ANO3: variants seen among roughly 807,000 people sequenced by gnomAD.
ANO3 encodes the protein anoctamin 3, also known as anoctamin-3.
Under a neutral mutation model 144.8 loss-of-function variants are expected in ANO3, and 99 were observed. The observed-to-expected ratio is 0.68, with a 90% CI of 0.58 to 0.81. ANO3 has a LOEUF of 0.81. Among genes scored for constraint, ANO3 ranks in the 30% least tolerant of loss-of-function variants. The pLI, the probability that ANO3 is intolerant of heterozygous loss-of-function variation, is 0.00. For missense variants in ANO3, 905 were observed against 1,202.2 expected (o/e 0.75, Z 3.66); for synonymous variants, 414 against 392.6 (o/e 1.05, Z -0.64).
chr11:26,199,047 A>G (rs576982766), intron 1 of ANO3, among the ~76,000 whole-genome samples: 44 of 152,230 alleles, frequency 2.9e-4, no homozygotes, highest in Non-Finnish European at 5.3e-4. Flanking sequence ...CCTAATTAAT[A>G]GCATTGGCCA....
intron 14 of ANO3, chr11:26,567,182 C>T: frequency 1.6e-6 from 2 of 1,237,756 alleles, no homozygotes; most frequent in Non-Finnish European, 2.1e-6. Context: ...AGTCAACTGA[C>T]TCCAATCTCA....
intron 1 of ANO3, among the ~76,000 whole-genome samples, chr11:26,367,989 C>G (rs1856141059): frequency 6.6e-6 from 1 of 152,160 alleles, no homozygotes; most frequent in Admixed American, 6.5e-5. Context: ...AAATCTCCTC[C>G]CACTAGGTCC....
chr11:26,344,645 G>A (rs1353789809), intron 1 of ANO3, among the ~76,000 whole-genome samples: 16 of 152,064 alleles, frequency 1.1e-4, no homozygotes, highest in African/African-American at 3.6e-4. Context: ...GATTACAGAC[G>A]TGAGCCACCC....
At chr11:26,344,365 T>C (rs994777586) in intron 1 of ANO3, among the ~76,000 whole-genome samples, 1 of 96,346 alleles carries the variant, frequency 1.0e-5, no homozygotes, top group Non-Finnish European at 1.9e-5. Flanking sequence ...AGAAAAATAT[T>C]GTCTTTTTTT....
At chr11:26,355,323 C>G (rs1284716640) in intron 1 of ANO3, among the ~76,000 whole-genome samples, 2 of 152,012 alleles carry the variant, frequency 1.3e-5, no homozygotes. Flanking sequence ...ATAAAGAATT[C>G]TAAGATGGAT....
At chr11:26,513,978 T>G (rs1861764928) in intron 5 of ANO3, among the ~76,000 whole-genome samples, 2 of 152,024 alleles carry the variant, frequency 1.3e-5, no homozygotes, top group African/African-American at 2.4e-5. Context: ...GAATAAGAAC[T>G]CATATCTCCC....
intron 17 of ANO3, among the ~76,000 whole-genome samples, chr11:26,604,375 G>C (rs1851880766): frequency 1.3e-5 from 2 of 152,056 alleles, no homozygotes; most frequent in Non-Finnish European, 2.9e-5. Flanking sequence ...TTTTTGTTTA[G>C]GATTGTCTTG....
At chr11:26,447,943 C>T (rs1049394397) in intron 3 of ANO3, among the ~76,000 whole-genome samples, 2 of 152,170 alleles carry the variant, frequency 1.3e-5, no homozygotes, top group Non-Finnish European at 2.9e-5. Context: ...TCCACGTTAA[C>T]AAGTGCCTGA....
intron 1 of ANO3, among the ~76,000 whole-genome samples, chr11:26,302,808 A>G (rs1345012757): frequency 1.3e-5 from 2 of 152,210 alleles, no homozygotes; most frequent in East Asian, 3.9e-4. Flanking sequence ...TCACGCAAAA[A>G]CTATTAGCAC....
intron 1 of ANO3, among the ~76,000 whole-genome samples, chr11:26,430,819 A>G (rs144973548): frequency 1.3e-5 from 2 of 152,320 alleles, no homozygotes; most frequent in Non-Finnish European, 2.9e-5. Flanking sequence ...ATGGGGAAAT[A>G]CTTTTTGTCC....
intron 14 of ANO3, chr11:26,567,278 T>A: frequency 2.1e-6 from 1 of 483,670 alleles, no homozygotes; most frequent in Non-Finnish European, 3.5e-6. Flanking sequence ...AAAATCTGAG[T>A]ACTGATTTCA....
intron 1 of ANO3, 123 bp downstream of exon 1, chr11:26,332,444 T>TAAAAAAAA: frequency 1.6e-6 from 1 of 614,824 alleles, no homozygotes; most frequent in Non-Finnish European, 2.7e-6. Flanking sequence ...TCTGTGAAGT[T>TAAAAAAAA]AAAAAAAAAA....
intron 5 of ANO3, among the ~76,000 whole-genome samples, chr11:26,510,149 A>AGG (rs1282747148): frequency 6.9e-6 from 1 of 145,546 alleles, no homozygotes; most frequent in Admixed American, 7.0e-5. Context: ...AAAAAAAAAA[A>AGG]AAAAGAGTAG....
intron 1 of ANO3, among the ~76,000 whole-genome samples, chr11:26,197,338 A>ATTTTTG (rs200915667): frequency 0.023 from 3,420 of 151,844 alleles, 155 homozygotes; most frequent in African/African-American, 0.079. Context: ...GTAGTTTAAT[A>ATTTTTG]TTTTTGTTTT....
In ANO3 at chr11:26,194,643, G is replaced by C. The variant is rs573476387; in HGVS notation, c.154+5313G>C. On this transcript the variant is annotated intron_variant, in intron 1 of 27. Transcript: ENST00000672621. ...AGCCTCCCGAGTAGCTGGGATTATA[G>C]CCATGGGCCACTACGCTGGGCTAAT... Among the ~76,000 whole-genome samples, 4 of 152,078 alleles carry C rather than the reference G, an allele frequency of 2.6e-5. No individual in the cohort carries two copies. In the South Asian group the frequency reaches 6.2e-4, roughly 24 times the overall value.
chr11:26,565,879 G>GT (rs763099571), intron 14 of ANO3: 266 of 1,565,256 alleles, frequency 1.7e-4, no homozygotes, highest in Middle Eastern at 5.2e-4. Flanking sequence ...TTTGGTATTG[G>GT]TTTTTTTTTA....
intron 3 of ANO3, among the ~76,000 whole-genome samples, chr11:26,444,727 C>G (rs1283287553): frequency 6.6e-6 from 1 of 152,130 alleles, no homozygotes; most frequent in Admixed American, 6.6e-5. Context: ...TGGTTTTTCT[C>G]TACAGGCATT....
chr11:26,553,415 C>T, intron 13 of ANO3, 70 bp downstream of exon 13: 1 of 1,044,374 alleles, frequency 9.6e-7, no homozygotes, highest in Non-Finnish European at 1.4e-6. Context: ...GTCCTCTAGT[C>T]AATAGCTTTT....
chr11:26,567,275 G>A lies in ANO3; in HGVS notation c.1447+7496G>A, dbSNP rs1850627376. On this transcript the variant is annotated intron_variant, in intron 14 of 26. Coordinates refer to ENST00000256737, the MANE Select transcript of ANO3 (RefSeq NM_031418.4). ...TTTTTTTCCTCAAGCAATAAAATCT[G>A]AGTACTGATTTCATGTTTTTGAATT... 8 of 488,756 alleles carry A rather than the reference G, an allele frequency of 1.6e-5. No individual in the cohort carries two copies. In the East Asian group the frequency reaches 2.7e-4, roughly 17 times the overall value. 30.3% of individuals were successfully genotyped at this position (488,756 alleles called of 1,614,324 possible).
Sources: allele counts gnomAD v4.1 joint callset (sites outside exome capture counted in the v4.1 genomes callset), GRCh38; gene constraint gnomAD v4.1.1; transcripts MANE v1.5; gene names NCBI Gene and HGNC (gene_info 2026-07-23, HGNC 2026-07-21).